REEP1: variants seen among roughly 807,000 people sequenced by gnomAD.
REEP1 encodes receptor expression-enhancing protein 1.
A neutral mutation model predicts 40.3 loss-of-function variants in REEP1; 22 were observed. The ratio of observed to expected loss-of-function variants is 0.55; its 90% confidence interval spans 0.39 to 0.78. The LOEUF (loss-of-function observed/expected upper bound fraction) is 0.78. Ranked by LOEUF, REEP1 falls within the 30% of genes least tolerant of loss-of-function variation. The probability of loss-of-function intolerance (pLI) is 0.00; values close to 1 mark genes in which losing one functional copy is unlikely to be tolerated. For synonymous variants in REEP1, 116 were observed against 139.2 expected (o/e 0.83, Z 1.17); for missense variants, 280 against 361.1 (o/e 0.78, Z 1.82).
chr2:86,309,349 A>G (rs1414139190), intron 1 of REEP1, among the ~76,000 whole-genome samples: 2 of 152,236 alleles, frequency 1.3e-5, no homozygotes, highest in Non-Finnish European at 2.9e-5. Context: ...GGTCAAGGCT[A>G]TCTTGGCTTA....
chr2:86,296,061 T>A (rs757207452), intron 1 of REEP1, among the ~76,000 whole-genome samples: 1 of 152,232 alleles, frequency 6.6e-6, no homozygotes, highest in Non-Finnish European at 1.5e-5. Context: ...ATATACATTC[T>A]TTCCATTTAT....
chr2:86,303,993 C>T (rs1679372461), intron 1 of REEP1, among the ~76,000 whole-genome samples: 1 of 152,050 alleles, frequency 6.6e-6, no homozygotes, highest in Non-Finnish European at 1.5e-5. Flanking sequence ...AAATATGAAG[C>T]CGACCTACTA....
rs1460737786 is a variant in REEP1, at chr2:86,215,226, A to T, written c.*1813T>A. On this transcript the variant is annotated 3_prime_UTR_variant, in exon 9 of 9. Coordinates refer to ENST00000538924, the MANE Select transcript of REEP1 (RefSeq NM_001371279.1). ...GAACATGAGCAAACAGCTTCTGTTT[A>T]TCCTCTCAGCCACAAATTCGCTTTT... The T allele has an allele frequency of 6.6e-6, 1 of 152,194 alleles. No homozygotes were observed. The highest frequency in any genetic ancestry group is 1.5e-5 in the Non-Finnish European group (1 of 68,026). 9.4% of individuals were successfully genotyped at this position (152,194 alleles called of 1,614,324 possible).
intron 2 of REEP1, among the ~76,000 whole-genome samples, chr2:86,277,029 C>T (rs1485844833): frequency 6.6e-6 from 1 of 152,116 alleles, no homozygotes; most frequent in Admixed American, 6.5e-5. Context: ...ACAGGGGATA[C>T]AAAATGGTTT....
At position 86,232,686 on chromosome 2, in the gene REEP1, G is replaced by A; in HGVS notation, c.534C>T (p.Ala178=). ...SGPPPPGSGR[A]SGKHGQPKMS... is the part of the protein sequence containing the mutation. ...TCTTAGGCTGGCCGTGTTTGCCGCTGGCCCGCCCAGACCCCGGTGGTGGGG... is the reference window on the plus strand; with the variant it reads ...TCTTAGGCTGGCCGTGTTTGCCGCTAGCCCGCCCAGACCCCGGTGGTGGGG... The change falls in exon 6 of 9, where the codon GCC becomes GCT. Residue 178 remains alanine, a synonymous_variant. Transcript: ENST00000538924. 1 of 1,612,122 alleles carries A rather than the reference G, an allele frequency of 6.2e-7. No individual in the cohort carries two copies. The highest frequency in any genetic ancestry group is 1.1e-5 in the South Asian group (1 of 91,086).
At chr2:86,256,577 C>G (rs1366012030) in intron 3 of REEP1, among the ~76,000 whole-genome samples, 1 of 152,112 alleles carries the variant, frequency 6.6e-6, no homozygotes, top group African/African-American at 2.4e-5. Flanking sequence ...CCTGCCCACC[C>G]TGCTTTGCCC....
At chr2:86,308,730 C>T (rs1679619279) in intron 1 of REEP1, among the ~76,000 whole-genome samples, 1 of 152,324 alleles carries the variant, frequency 6.6e-6, no homozygotes, top group African/African-American at 2.4e-5. Context: ...AGCCTCTCTG[C>T]TCTTCTGTTC....
chr2:86,280,857 G>A (rs1678043196), intron 2 of REEP1, among the ~76,000 whole-genome samples: 1 of 152,040 alleles, frequency 6.6e-6, no homozygotes, highest in Admixed American at 6.5e-5. Flanking sequence ...GACTTCTTGG[G>A]AAATCTGAGA....
chr2:86,272,178 C>T (rs1004557281), intron 2 of REEP1, among the ~76,000 whole-genome samples: 13 of 152,118 alleles, frequency 8.5e-5, no homozygotes, highest in South Asian at 2.1e-4. Context: ...GCCAAGAGCA[C>T]GCCACTGCAC....
chr2:86,303,457 G>T (rs963705686), intron 1 of REEP1, among the ~76,000 whole-genome samples: 9 of 151,850 alleles, frequency 5.9e-5, no homozygotes, highest in African/African-American at 2.2e-4. Context: ...GGCCTCAAGT[G>T]ATCCTCCCAA....
At chr2:86,225,074 C>A (rs1674613532) in intron 7 of REEP1, among the ~76,000 whole-genome samples, 1 of 152,226 alleles carries the variant, frequency 6.6e-6, no homozygotes, top group Non-Finnish European at 1.5e-5. Flanking sequence ...TTCCCATGAA[C>A]TAGTGTGTCC....
chr2:86,264,737 C>A (rs561794395), intron 2 of REEP1, among the ~76,000 whole-genome samples: 50 of 152,298 alleles, frequency 3.3e-4, no homozygotes, highest in African/African-American at 1.2e-3. Context: ...TGAACTAAGG[C>A]TCCTACTAAT....
chr2:86,332,939 C>T (rs538835966), intron 1 of REEP1, among the ~76,000 whole-genome samples: 1 of 152,242 alleles, frequency 6.6e-6, no homozygotes, highest in South Asian at 2.1e-4. Context: ...GTCTCTTAGA[C>T]AGGGAGCTGG....
At chr2:86,287,468 G>A (rs1678456290) in intron 1 of REEP1, among the ~76,000 whole-genome samples, 1 of 152,140 alleles carries the variant, frequency 6.6e-6, no homozygotes, top group South Asian at 2.1e-4. Flanking sequence ...AAGGCACAGT[G>A]TTTCATCTGA....
chr2:86,328,995 G>A (rs1573063567), intron 1 of REEP1, among the ~76,000 whole-genome samples: 2 of 152,300 alleles, frequency 1.3e-5, no homozygotes, highest in Non-Finnish European at 2.9e-5. Flanking sequence ...GGAAGAACCC[G>A]GCATCCTGGA....
chr2:86,265,749 C>T (rs1038936964), intron 2 of REEP1, among the ~76,000 whole-genome samples: 1 of 151,964 alleles, frequency 6.6e-6, no homozygotes, highest in Non-Finnish European at 1.5e-5. Context: ...TACACATGGA[C>T]ATAGAGAGTG....
intron 1 of REEP1, among the ~76,000 whole-genome samples, chr2:86,304,048 T>C (rs1020258790): frequency 2.6e-5 from 4 of 152,084 alleles, no homozygotes; most frequent in East Asian, 1.9e-4. Context: ...ATAGGAATGA[T>C]TGAATGAATG....
intron 1 of REEP1, among the ~76,000 whole-genome samples, chr2:86,293,272 T>C (rs1174243400): frequency 1.3e-5 from 2 of 152,212 alleles, no homozygotes; most frequent in Admixed American, 6.5e-5. Context: ...AGAGGTTTTA[T>C]CTTCAGGGAA....
At chr2:86,267,524 A>T (rs923569330) in intron 2 of REEP1, among the ~76,000 whole-genome samples, 1 of 151,360 alleles carries the variant, frequency 6.6e-6, no homozygotes, top group Non-Finnish European at 1.5e-5. Context: ...CCACTAAAAA[A>T]CTCAAAAAGT....
Sources: allele counts gnomAD v4.1 joint callset (sites outside exome capture counted in the v4.1 genomes callset), GRCh38; gene constraint gnomAD v4.1.1; transcripts MANE v1.5; gene names NCBI Gene and HGNC (gene_info 2026-07-23, HGNC 2026-07-21).